Variants in ZNF346 observed in about 807,000 individuals in gnomAD.
ZNF346 encodes zinc finger protein 346.
A neutral mutation model predicts 33.7 loss-of-function variants in ZNF346; 23 were observed. That is an observed-to-expected ratio of 0.68 (90% confidence interval 0.49 to 0.97). The LOEUF (loss-of-function observed/expected upper bound fraction) is 0.97, where lower values mean the gene tolerates loss of function less well. ZNF346 is among the 50% of genes least tolerant of loss of function. The probability of loss-of-function intolerance (pLI) is 0.00; values close to 1 mark genes in which losing one functional copy is unlikely to be tolerated. For missense variants in ZNF346, 340 were observed against 371.1 expected, an observed-to-expected ratio of 0.92 and a Z score of 0.69; for synonymous variants, 134 against 142.4, an observed-to-expected ratio of 0.94 and a Z score of 0.42.
chr5:177,049,838 T>C (rs1780612686), intron 4 of ZNF346, among the ~76,000 whole-genome samples: 1 of 151,912 alleles, frequency 6.6e-6, no homozygotes, highest in African/African-American at 2.4e-5. Flanking sequence ...AACACATCAC[T>C]AATTTTTTTT....
At chr5:177,041,096 C>A in intron 1 of ZNF346, 30 bp from the exon 2 acceptor site, 1 of 1,554,494 alleles carries the variant, frequency 6.4e-7, no homozygotes, top group Non-Finnish European at 8.9e-7. Flanking sequence ...TGTTTGTCAA[C>A]TCAATGATTT....
intron 4 of ZNF346, 34 bp from the exon 5 acceptor site, chr5:177,050,717 C>T: frequency 6.2e-7 from 1 of 1,614,046 alleles, no homozygotes; most frequent in East Asian, 2.2e-5. Context: ...GTCAAAACGC[C>T]TTACAAATCC....
downstream of ZNF346, among the ~76,000 whole-genome samples, chr5:177,071,082 G>T (rs1173401938): frequency 6.6e-6 from 1 of 152,204 alleles, no homozygotes; most frequent in Non-Finnish European, 1.5e-5. Context: ...ATGAGGGGTG[G>T]CATGAGGGAC....
intron 8 of ZNF346, among the ~76,000 whole-genome samples, chr5:177,076,145 A>G (rs535272713): frequency 6.6e-6 from 1 of 152,358 alleles, no homozygotes; most frequent in African/African-American, 2.4e-5. Flanking sequence ...AGAATAAGAC[A>G]GAAGTGACAA....
rs1157502299 is a variant in ZNF346 at position 177,022,748 on chromosome 5, C to G, written c.10C>G (p.Pro4Ala). ...AGGGTTTGCGGGGAAGATGGAGTAT[C>G]CCGCGCCGGCCACGGTGCAGGCCGC... MEY[P>A]APATVQAADG... is the part of the protein sequence containing the mutation. Residue 4 changes from proline (P) to alanine (A), a missense_variant, in exon 1 of 7, where the codon CCC becomes GCC. Physicochemically the swap from Pro to Ala is conservative, Grantham distance 27 (BLOSUM62 -1). Coordinates refer to ENST00000358149, the MANE Select transcript of ZNF346 (RefSeq NM_012279.4). 6.4e-7 allele frequency: 1 copy of G among 1,554,272 alleles called. No individual in the cohort carries two copies.
chr5:177,035,350 C>A (rs1339815284), intron 1 of ZNF346, among the ~76,000 whole-genome samples: 1 of 152,148 alleles, frequency 6.6e-6, no homozygotes, highest in Admixed American at 6.6e-5. Flanking sequence ...CCTCATTTTC[C>A]ATATCAAATC....
chr5:177,070,554 T>C (rs1462610944), downstream of ZNF346, among the ~76,000 whole-genome samples: 1 of 152,018 alleles, frequency 6.6e-6, no homozygotes, highest in Non-Finnish European at 1.5e-5. Context: ...TGCCTCGGGG[T>C]GGAACATTAG....
downstream of ZNF346, among the ~76,000 whole-genome samples, chr5:177,070,485 A>G (rs1440209813): frequency 6.6e-6 from 1 of 151,674 alleles, no homozygotes; most frequent in Non-Finnish European, 1.5e-5. Context: ...AGTGGCGAAA[A>G]CTCAGGTTCT....
intron 5 of ZNF346, 47 bp downstream of exon 5, chr5:177,050,983 CTG>C (rs1200603001): frequency 1.3e-6 from 2 of 1,483,584 alleles, no homozygotes; most frequent in South Asian, 2.3e-5. Context: ...GGTTTGGCCA[CTG>C]GGGCTACCCG....
At chr5:177,060,963 T>A (rs1019562434) in intron 5 of ZNF346, among the ~76,000 whole-genome samples, 7 of 150,586 alleles carry the variant, frequency 4.6e-5, no homozygotes, top group South Asian at 2.1e-4. Flanking sequence ...ACAAAAAAAA[T>A]TAGCTAGGTG....
At chr5:177,070,307 T>G (rs905858074), downstream of ZNF346, among the ~76,000 whole-genome samples, 1 of 152,226 alleles carries the variant, frequency 6.6e-6, no homozygotes, top group Middle Eastern at 3.4e-3. Context: ...CTTCTTACTT[T>G]TAGCATGCTC....
At chr5:177,023,282 C>G in intron 1 of ZNF346, 1 of 1,336,730 alleles carries the variant, frequency 7.5e-7, no homozygotes, top group Non-Finnish European at 1.0e-6. Flanking sequence ...CCCCATCGTC[C>G]CAATCTCCAG....
chr5:177,034,262 A>G (rs10052359), intron 1 of ZNF346, among the ~76,000 whole-genome samples: 21,225 of 149,834 alleles, frequency 0.14, 3,202 homozygotes, highest in African/African-American at 0.38. Context: ...ATGGAGGCTG[A>G]AGTGCAGTGG....
In ZNF346 at chr5:177,047,175, A is replaced by G. The variant is rs141985928; in HGVS notation, c.517+2642A>G. Among the ~76,000 whole-genome samples the G allele has an allele frequency of 4.4e-3, 665 of 151,772 alleles. 4 individuals carry two copies. The highest frequency in any genetic ancestry group is 0.015 in the African/African-American group (621 of 41,426). ...GCGATTCTTCTGCCTCAGCCTCCCAAGTAGCTGGGACTACAGGCGCGTGCC... is the reference window on the plus strand; with the variant it reads ...GCGATTCTTCTGCCTCAGCCTCCCAGGTAGCTGGGACTACAGGCGCGTGCC... On this transcript the variant is annotated intron_variant, in intron 4 of 6. Transcript: ENST00000358149.
At chr5:177,035,240 C>T (rs1341094743) in intron 1 of ZNF346, among the ~76,000 whole-genome samples, 1 of 152,174 alleles carries the variant, frequency 6.6e-6, no homozygotes, top group Non-Finnish European at 1.5e-5. Context: ...TGGTCTCAAA[C>T]TCCTGGCCTC....
At position 177,025,738 on chromosome 5, in the gene ZNF346, G is replaced by A. The variant is rs189216039; in HGVS notation, c.175+2825G>A. Among the ~76,000 whole-genome samples the A allele has an allele frequency of 1.2e-3, 190 of 152,226 alleles. 1 individual carries two copies. Among genetic ancestry groups the A allele is most frequent in the Admixed American group, 2.2e-3 (33 of 15,276 alleles). ...AATTGGGCTGTTTGTCTTCTACTGA[G>A]TTGTAAGAGTTATCTGTGTATTCTG... On this transcript the variant is annotated intron_variant, in intron 1 of 6. Coordinates refer to ENST00000358149, the MANE Select transcript of ZNF346 (RefSeq NM_012279.4).
At chr5:177,038,080 A>ATTT (rs1374251869) in intron 1 of ZNF346, among the ~76,000 whole-genome samples, 76 of 139,736 alleles carry the variant, frequency 5.4e-4, no homozygotes, top group African/African-American at 1.9e-3. Context: ...CCCCATGATG[A>ATTT]TTTTTTTTTT....
chr5:177,023,837 G>A (rs1776273848), intron 1 of ZNF346, among the ~76,000 whole-genome samples: 1 of 151,942 alleles, frequency 6.6e-6, no homozygotes, highest in Non-Finnish European at 1.5e-5. Context: ...ACTTGTCTTC[G>A]AAAGTTTAAT....
Position 177,034,539 on chromosome 5 carries a change from A to T in ZNF346, c.176-6587A>T, listed in dbSNP as rs79350925. On this transcript the variant is annotated intron_variant, in intron 1 of 6. Transcript: ENST00000358149. Reference sequence around the variant, plus strand: ...ATCACACCCAACCCTTAAATTTGTTAAGTTTATTAATTATCTTGCTGTCCC... The same window carrying T: ...ATCACACCCAACCCTTAAATTTGTTTAGTTTATTAATTATCTTGCTGTCCC... Among the ~76,000 whole-genome samples, 14 of 152,146 alleles carry T rather than the reference A, an allele frequency of 9.2e-5. No individual in the cohort carries two copies. The East Asian group carries it at 2.5e-3, about 27-fold the overall frequency.
Sources: allele counts gnomAD v4.1 joint callset (sites outside exome capture counted in the v4.1 genomes callset), GRCh38; gene constraint gnomAD v4.1.1; transcripts MANE v1.5; gene names NCBI Gene and HGNC (gene_info 2026-07-23, HGNC 2026-07-21).